CDH7: variants seen among roughly 807,000 people sequenced by gnomAD.
CDH7 encodes cadherin 7.
In CDH7, 25 loss-of-function variants were observed where a neutral mutation model predicts 71.8. That is an observed-to-expected ratio of 0.35 (90% confidence interval 0.25 to 0.49). The LOEUF is 0.49. Among genes scored for constraint, CDH7 ranks in the 20% least tolerant of loss-of-function variants. The pLI, the probability that CDH7 is intolerant of heterozygous loss-of-function variation, is 0.99. For synonymous variants in CDH7, 381 were observed against 363.8 expected (o/e 1.05, Z -0.54); for missense variants, 862 against 974.6 (o/e 0.88, Z 1.54).
At chr18:65,812,184 G>T (rs1180684006) in intron 3 of CDH7, among the ~76,000 whole-genome samples, 1 of 151,844 alleles carries the variant, frequency 6.6e-6, no homozygotes, top group Non-Finnish European at 1.5e-5. Context: ...GGCCAGGATG[G>T]TCTCAATCTC....
intron 1 of CDH7, among the ~76,000 whole-genome samples, chr18:65,752,712 G>T (rs1410128408): frequency 6.6e-6 from 1 of 152,200 alleles, no homozygotes; most frequent in African/African-American, 2.4e-5. Flanking sequence ...TATGGAGTGG[G>T]ATAGCAGAGC....
intron 11 of CDH7, 95 bp downstream of exon 11, chr18:65,863,012 C>A: frequency 1.5e-6 from 2 of 1,307,586 alleles, no homozygotes; most frequent in South Asian, 1.3e-5. Flanking sequence ...TGAACATATG[C>A]AGATATTCTA....
Position 65,782,174 on chromosome 18 carries a change from C to CTTTCTTTCTTTTCTTTTCT in CDH7, c.210+19133_210+19134insTCTTTTCTTTTCTTTCTTT, listed in dbSNP as rs1910332138. Among the ~76,000 whole-genome samples the CTTTCTTTCTTTTCTTTTCT allele has an allele frequency of 2.2e-4, 24 of 108,268 alleles. 1 individual carries two copies. Among genetic ancestry groups the CTTTCTTTCTTTTCTTTTCT allele is most frequent in the African/African-American group, 9.4e-4 (21 of 22,382 alleles). The allele number at this position is 108,268 out of a possible 152,430, so 71.0% of individuals were successfully genotyped here. ...TCTTTCTTTCTTTCTTCCTTTCTTT[C>CTTTCTTTCTTTTCTTTTCT]TTTCTTTCTTTCTTGACAGAGTCTC... On this transcript the variant is annotated intron_variant, in intron 2 of 11. Transcript: ENST00000397968.
intron 1 of CDH7, among the ~76,000 whole-genome samples, chr18:65,759,151 T>C (rs1916114486): frequency 6.6e-6 from 1 of 152,144 alleles, no homozygotes; most frequent in African/African-American, 2.4e-5. Flanking sequence ...TAAACAGCTC[T>C]TCTTAAAGTG....
intron 2 of CDH7, among the ~76,000 whole-genome samples, chr18:65,799,260 T>C (rs898543637): frequency 2.0e-5 from 3 of 152,016 alleles, no homozygotes; most frequent in Admixed American, 6.6e-5. Context: ...AGTCTGCTGG[T>C]CCCTTGGTGC....
chr18:65,812,206 A>G (rs1442796247), intron 3 of CDH7, among the ~76,000 whole-genome samples: 1 of 151,894 alleles, frequency 6.6e-6, no homozygotes, highest in Non-Finnish European at 1.5e-5. Flanking sequence ...TGACCTTGTG[A>G]TCTGCCCGAC....
chr18:65,861,724 C>T (rs2628253), intron 10 of CDH7, among the ~76,000 whole-genome samples: 147,568 of 152,274 alleles, frequency 0.97, 71,657 homozygotes, highest in East Asian at 1. Flanking sequence ...GATTTCATCT[C>T]GCTGTTTCAC....
At chr18:65,867,288 G>A (rs1568229534) in intron 11 of CDH7, among the ~76,000 whole-genome samples, 1 of 152,036 alleles carries the variant, frequency 6.6e-6, no homozygotes. Context: ...ACCCGCCTTG[G>A]CCTCTCAAAG....
At chr18:65,766,850 G>A (rs1211582904) in intron 2 of CDH7, among the ~76,000 whole-genome samples, 5 of 130,708 alleles carry the variant, frequency 3.8e-5, no homozygotes, top group Non-Finnish European at 4.7e-5. Context: ...AATCACCTTG[G>A]CATTACTCAC....
rs373078367 is a variant in CDH7, at chr18:65,810,012, A to G, written c.505+14A>G. The G allele has an allele frequency of 2.5e-6, 4 of 1,593,128 alleles. No homozygotes were observed. The African/African-American group carries it at 4.0e-5, about 16-fold the overall frequency. On this transcript the variant is annotated intron_variant, in intron 3 of 11. Coordinates refer to ENST00000397968, the MANE Select transcript of CDH7 (RefSeq NM_004361.5). ...TGTCTCCCGTGGGTAAGTAAAGAAC[A>G]CTCTGCTTTTGTAGCTTGTGGCCGA...
intron 2 of CDH7, among the ~76,000 whole-genome samples, chr18:65,775,649 T>C (rs7229747): frequency 0.36 from 54,373 of 151,982 alleles, 10,270 homozygotes; most frequent in Middle Eastern, 0.46. Context: ...ACACTAATGA[T>C]AGCTGATGAA....
At chr18:65,818,070 C>T (rs1474974574) in intron 4 of CDH7, among the ~76,000 whole-genome samples, 2 of 152,110 alleles carry the variant, frequency 1.3e-5, no homozygotes, top group Non-Finnish European at 2.9e-5. Flanking sequence ...TAACTCAAGA[C>T]TTCACAATGT....
Position 65,780,939 on chromosome 18 carries a change from G to A in CDH7, c.210+17887G>A, listed in dbSNP as rs576980671. ...TCCTGTTTTTTTTTTTTTTTTTTTC[G>A]GAGAAAATAGGAGGATTTTTCTGTC... On this transcript the variant is annotated intron_variant, in intron 2 of 11. Coordinates refer to ENST00000397968, the MANE Select transcript of CDH7 (RefSeq NM_004361.5). 9.9e-5 allele frequency among the ~76,000 whole-genome samples: 10 copies of A among 100,984 alleles called. No individual in the cohort carries two copies. The South Asian group carries it at 1.9e-3, about 19-fold the overall frequency. The allele number at this position is 100,984 out of a possible 152,430, so 66.2% of individuals were successfully genotyped here. A position where few individuals can be genotyped will look rare whatever the true frequency, so the allele number is the denominator to read the frequency against.
At chr18:65,853,922 T>TATCC (rs1555689486) in intron 7 of CDH7, among the ~76,000 whole-genome samples, 2 of 75,808 alleles carry the variant, frequency 2.6e-5, no homozygotes, top group African/African-American at 1.2e-4. Context: ...TATATATATA[T>TATCC]ATATATATAT....
intron 5 of CDH7, among the ~76,000 whole-genome samples, chr18:65,824,096 A>G (rs1912038289): frequency 1.3e-5 from 2 of 150,554 alleles, no homozygotes; most frequent in Admixed American, 1.3e-4. Flanking sequence ...GGCCCAAATC[A>G]GTTCTACATA....
chr18:65,783,452 T>C (rs969657997), intron 2 of CDH7, among the ~76,000 whole-genome samples: 2 of 152,226 alleles, frequency 1.3e-5, no homozygotes, highest in African/African-American at 4.8e-5. Context: ...GGCAAAATAA[T>C]GCACTATTTC....
chr18:65,811,181 A>C (rs1309900511), intron 3 of CDH7, among the ~76,000 whole-genome samples: 1 of 29,344 alleles, frequency 3.4e-5, no homozygotes, highest in African/African-American at 7.8e-5. Context: ...AACCCATGTG[A>C]TTTATTAAAA....
chr18:65,784,331 A>C (rs559699569), intron 2 of CDH7, among the ~76,000 whole-genome samples: 2 of 152,158 alleles, frequency 1.3e-5, no homozygotes, highest in South Asian at 4.1e-4. Flanking sequence ...AGGAATGAAC[A>C]AAGTGGACAC....
At chr18:65,800,673 AT>A (rs1253381647) in intron 2 of CDH7, among the ~76,000 whole-genome samples, 2 of 152,202 alleles carry the variant, frequency 1.3e-5, no homozygotes, top group Admixed American at 1.3e-4. Context: ...TGAATAAACT[AT>A]TCTATACTCT....
Sources: gnomAD v4.1 joint callset for allele counts (sites outside exome capture counted in the v4.1 genomes callset) on GRCh38, gnomAD v4.1.1 for gene constraint, MANE v1.5 for transcripts, NCBI Gene and HGNC (gene_info 2026-07-23, HGNC 2026-07-21) for gene names.